Variants in CHCHD3 observed in about 807,000 individuals in gnomAD.
The protein encoded by CHCHD3 is coiled-coil-helix-coiled-coil-helix domain containing 3, also known as MICOS complex subunit MIC19.
Under a neutral mutation model 38.2 loss-of-function variants are expected in CHCHD3, and 20 were observed. The observed-to-expected ratio is 0.52, with a 90% CI of 0.37 to 0.76. CHCHD3 has a LOEUF of 0.76. CHCHD3 is among the 30% of genes least tolerant of loss of function. The pLI is 0.00. For synonymous variants in CHCHD3, 82 were observed against 100.0 expected, an observed-to-expected ratio of 0.82 and a Z score of 1.07; for missense variants, 245 against 279.2, an observed-to-expected ratio of 0.88 and a Z score of 0.87.
At chr7:133,016,366 A>T (rs913465449) in intron 3 of CHCHD3, among the ~76,000 whole-genome samples, 1 of 152,228 alleles carries the variant, frequency 6.6e-6, no homozygotes, top group Non-Finnish European at 1.5e-5. Context: ...TCGTTTTCAC[A>T]GATTATATGT....
chr7:132,851,678 G>A (rs1808222289), intron 5 of CHCHD3, among the ~76,000 whole-genome samples: 1 of 152,180 alleles, frequency 6.6e-6, no homozygotes, highest in African/African-American at 2.4e-5. Flanking sequence ...TAGAGTAACT[G>A]TTAAATTATT....
chr7:132,911,689 T>A (rs888966761), intron 4 of CHCHD3, among the ~76,000 whole-genome samples: 1 of 152,220 alleles, frequency 6.6e-6, no homozygotes, highest in African/African-American at 2.4e-5. Context: ...CTGCTCCCCA[T>A]CGGTTTAGTG....
intron 4 of CHCHD3, among the ~76,000 whole-genome samples, chr7:132,918,282 T>C (rs1309859132): frequency 1.3e-5 from 2 of 152,124 alleles, no homozygotes; most frequent in Non-Finnish European, 2.9e-5. Context: ...TTTAGGACCA[T>C]GGGAAGACTT....
At chr7:132,831,067 C>T (rs546064981) in intron 6 of CHCHD3, among the ~76,000 whole-genome samples, 1 of 152,262 alleles carries the variant, frequency 6.6e-6, no homozygotes, top group East Asian at 1.9e-4. Flanking sequence ...AAGCCCAAAT[C>T]CTTGCCTGAA....
intron 4 of CHCHD3, chr7:132,973,972 G>A (rs1008545499): frequency 2.6e-5 from 33 of 1,286,688 alleles, no homozygotes; most frequent in Middle Eastern, 2.1e-4. Flanking sequence ...AGGCCGAAGT[G>A]GAGGCTAAGC....
At chr7:132,918,559 T>C (rs952855314) in intron 4 of CHCHD3, among the ~76,000 whole-genome samples, 1 of 152,244 alleles carries the variant, frequency 6.6e-6, no homozygotes, top group Non-Finnish European at 1.5e-5. Flanking sequence ...TATCAGCCCT[T>C]TTCCTCCAGT....
intron 4 of CHCHD3, among the ~76,000 whole-genome samples, chr7:132,893,122 A>C (rs1809409122): frequency 6.6e-6 from 1 of 152,210 alleles, no homozygotes; most frequent in South Asian, 2.1e-4. Context: ...ACAGGCACTC[A>C]ATGCCAGCCC....
Position 132,918,619 on chromosome 7 carries a change from T to G in CHCHD3, c.370-32874A>C, listed in dbSNP as rs532117490. Among the ~76,000 whole-genome samples, 6 of 152,336 alleles carry G rather than the reference T, an allele frequency of 3.9e-5. No homozygotes were observed. In the East Asian group the frequency reaches 7.7e-4, roughly 20 times the overall value. The stretch of plus-strand genomic sequence containing the variant: ...ATTATCTACATTTTCAACTGTTTTC[T>G]TTAAAGGTCAGTGAGAACTAAAAGA... On this transcript the variant is annotated intron_variant, in intron 4 of 7. Coordinates refer to ENST00000262570, the MANE Select transcript of CHCHD3 (RefSeq NM_017812.4).
chr7:133,038,262 T>G (rs1278464010), intron 2 of CHCHD3, among the ~76,000 whole-genome samples: 2 of 151,744 alleles, frequency 1.3e-5, no homozygotes, highest in Admixed American at 1.3e-4. Context: ...TGTATTATAT[T>G]ATATGATATA....
At position 133,081,868 on chromosome 7, in the gene CHCHD3, T is replaced by G. The variant is rs1194857929; in HGVS notation, c.70A>C (p.Lys24Gln). ...ADENENITVV[K>Q]GIRLSENVID... ...CCACGGGCACTCACCCGGATGCCCT[T>G]CACCACGGTGATGTTCTCATTCTCG... The change falls in exon 1 of 8, where the codon AAG becomes CAG. Residue 24 changes from lysine to glutamine, a missense_variant. Coordinates refer to ENST00000262570, the MANE Select transcript of CHCHD3 (RefSeq NM_017812.4). 6.4e-7 allele frequency: 1 copy of G among 1,554,674 alleles called. No homozygotes were observed. The highest frequency in any genetic ancestry group is 1.9e-5 in the Admixed American group (1 of 51,628).
At chr7:132,966,857 G>C (rs569254911) in intron 4 of CHCHD3, among the ~76,000 whole-genome samples, 1 of 152,162 alleles carries the variant, frequency 6.6e-6, no homozygotes, top group African/African-American at 2.4e-5. Flanking sequence ...CAAATACCAA[G>C]GGCTGTATTT....
At chr7:132,835,104 G>A (rs1863018) in intron 6 of CHCHD3, among the ~76,000 whole-genome samples, 101,398 of 150,708 alleles carry the variant, frequency 0.67, 34,825 homozygotes, top group East Asian at 0.79. Flanking sequence ...CCTCCCCAGT[G>A]GCTGGGACTA....
chr7:133,055,677 T>C (rs1814307660), intron 2 of CHCHD3, among the ~76,000 whole-genome samples: 1 of 150,004 alleles, frequency 6.7e-6, no homozygotes, highest in African/African-American at 2.4e-5. Flanking sequence ...TGTGTGTGTA[T>C]ACATAAAATA....
intron 4 of CHCHD3, among the ~76,000 whole-genome samples, chr7:132,970,592 T>G (rs1297325482): frequency 6.6e-6 from 1 of 152,222 alleles, no homozygotes; most frequent in Non-Finnish European, 1.5e-5. Flanking sequence ...ATCTTTTACC[T>G]TTTATTCCTC....
intron 6 of CHCHD3, among the ~76,000 whole-genome samples, chr7:132,814,048 A>C (rs898253752): frequency 6.6e-6 from 1 of 152,228 alleles, no homozygotes; most frequent in Non-Finnish European, 1.5e-5. Context: ...AGGGGAACTC[A>C]ACAGAATTGA....
chr7:132,852,827 T>C (rs1808251578), intron 5 of CHCHD3, among the ~76,000 whole-genome samples: 1 of 152,200 alleles, frequency 6.6e-6, no homozygotes, highest in Non-Finnish European at 1.5e-5. Context: ...CACTTTTGCC[T>C]AGAACCTGAC....
At chr7:133,025,244 C>T (rs1344831742) in intron 2 of CHCHD3, among the ~76,000 whole-genome samples, 3 of 152,154 alleles carry the variant, frequency 2.0e-5, no homozygotes, top group Admixed American at 2.0e-4. Context: ...TTCTAAATAC[C>T]TGGTGACTGG....
intron 5 of CHCHD3, among the ~76,000 whole-genome samples, chr7:132,854,338 T>A (rs1808293874): frequency 6.6e-6 from 1 of 152,142 alleles, no homozygotes; most frequent in Non-Finnish European, 1.5e-5. Flanking sequence ...CTTTGGTTTG[T>A]TTTTTCCCCC....
intron 6 of CHCHD3, among the ~76,000 whole-genome samples, chr7:132,814,730 T>C (rs1807155116): frequency 6.6e-6 from 1 of 152,252 alleles, no homozygotes; most frequent in South Asian, 2.1e-4. Context: ...TAAATTATTA[T>C]GTGAAAAGCC....
Sources: gnomAD v4.1 joint callset for allele counts (sites outside exome capture counted in the v4.1 genomes callset) on GRCh38, gnomAD v4.1.1 for gene constraint, MANE v1.5 for transcripts, NCBI Gene and HGNC (gene_info 2026-07-23, HGNC 2026-07-21) for gene names.